FMN1: variants seen among roughly 807,000 people sequenced by gnomAD.
FMN1 encodes formin 1.
FMN1 carries 110 observed loss-of-function variants against 132.4 expected under a neutral mutation model. The ratio of observed to expected loss-of-function variants is 0.83; its 90% CI spans 0.71 to 0.97. FMN1 has a LOEUF of 0.97. Among genes scored for constraint, FMN1 ranks in the 50% least tolerant of loss-of-function variants. The probability of loss-of-function intolerance (pLI) is 0.00; values close to 1 mark genes in which losing one functional copy is unlikely to be tolerated. For missense variants in FMN1, 1,792 were observed against 1,705.3 expected (o/e 1.05, Z -0.90); for synonymous variants, 722 against 651.7 (o/e 1.11, Z -1.64).
At chr15:33,016,720 ACT>A (rs2035068313) in intron 6 of FMN1, among the ~76,000 whole-genome samples, 1 of 152,104 alleles carries the variant, frequency 6.6e-6, no homozygotes, top group African/African-American at 2.4e-5. Flanking sequence ...ATCTAACTCC[ACT>A]GTTTGATGAT....
intron 17 of FMN1, among the ~76,000 whole-genome samples, chr15:32,849,183 G>C (rs1412869113): frequency 6.6e-6 from 1 of 150,626 alleles, no homozygotes; most frequent in African/African-American, 2.4e-5. Flanking sequence ...AGTAGACACG[G>C]GGTTTCATCG....
chr15:33,157,621 G>T (rs1362149703), intron 3 of FMN1, among the ~76,000 whole-genome samples: 4 of 151,902 alleles, frequency 2.6e-5, no homozygotes, highest in African/African-American at 4.8e-5. Context: ...AGTTTTTTTT[G>T]TTGTTTTCTG....
chr15:32,765,565 T>A lies in FMN1; in HGVS notation c.*8745A>T, dbSNP rs926733393. ...CAGATGGACATGAAACCAAGATTTA[T>A]TAAAATACCCTTAGCATATTTACAA... On this transcript the variant is annotated 3_prime_UTR_variant, in exon 21 of 21. Transcript: ENST00000616417. The A allele has an allele frequency of 2.6e-5, 4 of 152,202 alleles. No individual in the cohort carries two copies. In the East Asian group the frequency reaches 5.8e-4, roughly 22 times the overall value. 9.4% of individuals were successfully genotyped at this position (152,202 alleles called of 1,614,324 possible).
At chr15:32,953,706 G>GA (rs1567455435) in intron 9 of FMN1, among the ~76,000 whole-genome samples, 1 of 152,158 alleles carries the variant, frequency 6.6e-6, no homozygotes, top group African/African-American at 2.4e-5. Flanking sequence ...GGAGACGGAG[G>GA]AAAAAATGGT....
chr15:32,836,160 T>G (rs1342969472), intron 17 of FMN1, among the ~76,000 whole-genome samples: 1 of 152,080 alleles, frequency 6.6e-6, no homozygotes, highest in Non-Finnish European at 1.5e-5. Context: ...TGCTCACAGC[T>G]GGGATTACAA....
At chr15:33,127,919 T>G (rs573079572) in intron 4 of FMN1, among the ~76,000 whole-genome samples, 1 of 137,504 alleles carries the variant, frequency 7.3e-6, no homozygotes, top group Admixed American at 7.6e-5. Context: ...TGGAGACAGA[T>G]GGAAATAGAA....
intron 3 of FMN1, among the ~76,000 whole-genome samples, chr15:33,170,920 A>G (rs1474371973): frequency 6.6e-6 from 1 of 152,228 alleles, no homozygotes; most frequent in Non-Finnish European, 1.5e-5. Context: ...GAAAATCAGT[A>G]TAAAAAAGGG....
At chr15:33,100,282 A>G (rs2039246349) in intron 4 of FMN1, among the ~76,000 whole-genome samples, 1 of 152,088 alleles carries the variant, frequency 6.6e-6, no homozygotes, top group African/African-American at 2.4e-5. Flanking sequence ...AAAATAATAT[A>G]GTATATGAAT....
intron 7 of FMN1, among the ~76,000 whole-genome samples, chr15:32,978,601 G>T (rs1398608506): frequency 6.6e-6 from 1 of 152,202 alleles, no homozygotes; most frequent in Non-Finnish European, 1.5e-5. Flanking sequence ...TACTGAAGCT[G>T]CAGCCAGTCC....
intron 4 of FMN1, among the ~76,000 whole-genome samples, chr15:33,142,163 G>A (rs544603835): frequency 6.6e-6 from 1 of 152,200 alleles, no homozygotes; most frequent in Non-Finnish European, 1.5e-5. Flanking sequence ...AAGTACAGAA[G>A]CACATTTTCT....
chr15:32,999,827 C>G (rs1057146073), intron 7 of FMN1, among the ~76,000 whole-genome samples: 4 of 152,102 alleles, frequency 2.6e-5, no homozygotes, highest in African/African-American at 9.7e-5. Flanking sequence ...CTTAAGCTAC[C>G]AGCTCCTCAC....
intron 7 of FMN1, among the ~76,000 whole-genome samples, chr15:32,988,057 T>G (rs889013475): frequency 6.7e-6 from 1 of 150,232 alleles, no homozygotes; most frequent in Non-Finnish European, 1.5e-5. Flanking sequence ...CAGTTTTTTT[T>G]TTTTTTTTTT....
intron 9 of FMN1, among the ~76,000 whole-genome samples, chr15:32,950,268 G>T (rs139985398): frequency 6.6e-6 from 1 of 151,260 alleles, no homozygotes; most frequent in Non-Finnish European, 1.5e-5. Context: ...TATTGTGAAA[G>T]ACAATGTGGC....
intron 3 of FMN1, among the ~76,000 whole-genome samples, chr15:33,179,069 T>C (rs1965609224): frequency 6.6e-6 from 1 of 152,218 alleles, no homozygotes; most frequent in South Asian, 2.1e-4. Flanking sequence ...GCTTGATCTT[T>C]ACTTTCCAAT....
chr15:32,801,988 C>T (rs2057497285), intron 18 of FMN1, among the ~76,000 whole-genome samples: 1 of 152,120 alleles, frequency 6.6e-6, no homozygotes, highest in African/African-American at 2.4e-5. Flanking sequence ...AAATCTTTTG[C>T]AATTTGGACA....
chr15:33,018,543 T>C (rs1272286427), intron 6 of FMN1, among the ~76,000 whole-genome samples: 3 of 152,166 alleles, frequency 2.0e-5, no homozygotes, highest in South Asian at 2.1e-4. Flanking sequence ...ACGAAAAGGT[T>C]CCCAGAGGGT....
chr15:32,880,543 A>C (rs923767545), intron 16 of FMN1, among the ~76,000 whole-genome samples: 3 of 152,086 alleles, frequency 2.0e-5, no homozygotes, highest in African/African-American at 7.2e-5. Flanking sequence ...TCTCCACTGA[A>C]TTTTTATTTC....
At chr15:33,046,148 G>C (rs962723661) in intron 6 of FMN1, among the ~76,000 whole-genome samples, 1 of 151,994 alleles carries the variant, frequency 6.6e-6, no homozygotes, top group African/African-American at 2.4e-5. Flanking sequence ...TCAATCTCTA[G>C]AGAAATCATT....
chr15:33,150,030 A>G (rs1166976976), intron 4 of FMN1: 2 of 985,322 alleles, frequency 2.0e-6, no homozygotes, highest in Non-Finnish European at 2.4e-6. Flanking sequence ...ATCAGGAAGA[A>G]CTATGCCTGG....
Sources: gnomAD v4.1 joint callset for allele counts (sites outside exome capture counted in the v4.1 genomes callset) on GRCh38, gnomAD v4.1.1 for gene constraint, MANE v1.5 for transcripts, NCBI Gene and HGNC (gene_info 2026-07-23, HGNC 2026-07-21) for gene names.